Variants in ZIM2 observed in about 807,000 individuals in gnomAD.
ZIM2 encodes zinc finger imprinted 2, also known as zinc finger protein 656.
Under a neutral mutation model 38.6 loss-of-function variants are expected in ZIM2, and 14 were observed. The observed-to-expected ratio is 0.36, with a 90% CI of 0.24 to 0.57. The LOEUF is 0.57. Ranked by LOEUF, ZIM2 falls within the 20% of genes least tolerant of loss-of-function variation. The pLI is 0.81. For synonymous variants in ZIM2, 247 were observed against 245.8 expected, an observed-to-expected ratio of 1.00 and a Z score of -0.04; for missense variants, 680 against 695.1, an observed-to-expected ratio of 0.98 and a Z score of 0.24.
At chr19:56,813,951 C>A in intron 9 of ZIM2, 1 of 1,614,158 alleles carries the variant, frequency 6.2e-7, no homozygotes, top group Middle Eastern at 1.6e-4. Context: ...CTACCTGAAT[C>A]TCTTGATCTT....
At position 56,816,370 on chromosome 19, in the gene ZIM2, C is replaced by T. The variant is rs56332142; in HGVS notation, c.490+1376G>A. The T allele has an allele frequency of 1.1e-4, 181 of 1,614,034 alleles. No individual in the cohort carries two copies. The highest frequency in any genetic ancestry group is 1.6e-4 in the East Asian group (7 of 44,862). ...CTCTGAGCTTTGCATGAAGGCATCC[C>T]GGCCATCTGTAAAGTCACAGAGCTT... On this transcript the variant is annotated intron_variant, in intron 9 of 12. Coordinates refer to ENST00000629319, the MANE Select transcript of ZIM2 (RefSeq NM_001387356.1).
At chr19:56,799,206 C>T (rs1169271737) in intron 9 of ZIM2, 1 of 152,142 alleles carries the variant, frequency 6.6e-6, no homozygotes, top group African/African-American at 2.4e-5. Context: ...CCTAAATGCT[C>T]ATCAATGACA....
intron 9 of ZIM2, among the ~76,000 whole-genome samples, chr19:56,791,549 A>C (rs544588085): frequency 6.6e-6 from 1 of 152,238 alleles, no homozygotes; most frequent in East Asian, 1.9e-4. Flanking sequence ...TTATATTTTT[A>C]AGTATAATTA....
chr19:56,797,709 C>A (rs144372569), intron 9 of ZIM2, among the ~76,000 whole-genome samples: 47 of 152,196 alleles, frequency 3.1e-4, no homozygotes, highest in African/African-American at 1.1e-3. Flanking sequence ...GCTGCTCTAC[C>A]AAAAGGAGGA....
At chr19:56,831,307 G>A (rs1002443368) in intron 2 of ZIM2, among the ~76,000 whole-genome samples, 2 of 152,168 alleles carry the variant, frequency 1.3e-5, no homozygotes, top group Non-Finnish European at 2.9e-5. Context: ...TATAATAAAG[G>A]ACTGGAAATG....
intron 9 of ZIM2, chr19:56,810,113 C>T (rs1237838054): frequency 1.5e-5 from 14 of 947,240 alleles, no homozygotes; most frequent in Non-Finnish European, 1.6e-5. Flanking sequence ...ATTGTTGACA[C>T]TATTACAGAT....
At chr19:56,793,400 A>T (rs1004777875) in intron 9 of ZIM2, among the ~76,000 whole-genome samples, 2 of 152,192 alleles carry the variant, frequency 1.3e-5, no homozygotes, top group African/African-American at 4.8e-5. Flanking sequence ...AGCTACTCTT[A>T]AAGGCAGGCT....
chr19:56,817,149 C>A, intron 9 of ZIM2: 1 of 1,614,172 alleles, frequency 6.2e-7, no homozygotes, highest in Non-Finnish European at 8.5e-7. Context: ...TGAGGCTGCT[C>A]AGGCTGCTCA....
chr19:56,840,090 A>C (rs1192346504), intron 1 of ZIM2, among the ~76,000 whole-genome samples: 1 of 152,198 alleles, frequency 6.6e-6, no homozygotes, highest in Non-Finnish European at 1.5e-5. Context: ...CCCCGCAGGA[A>C]GGGGCATTTT....
At chr19:56,822,252 G>A (rs1274613081) in intron 6 of ZIM2, among the ~76,000 whole-genome samples, 1 of 152,194 alleles carries the variant, frequency 6.6e-6, no homozygotes, top group Non-Finnish European at 1.5e-5. Context: ...AGTCCAGGAA[G>A]AAGAGGAAAT....
rs1459370018 is a variant in ZIM2 at position 56,782,102 on chromosome 19, A to T, written c.590T>A (p.Leu197Ter). Residue 197 changes from leucine to a stop codon, truncating the protein, a stop_gained, in exon 11 of 13, where the codon TTA becomes TAA. Transcript: ENST00000629319. LOFTEE classifies it high-confidence loss of function. ...AGSQFPDFKH[L>*]GTFLVFEELV... ...CTCCTCAAACACCAGAAATGTTCCT[A>T]AGTGTTTGAAGTCCGGGAACTATCC... The T allele has an allele frequency of 1.2e-6, 2 of 1,613,636 alleles. No individual in the cohort carries two copies. The highest frequency in any genetic ancestry group is 1.7e-6 in the Non-Finnish European group (2 of 1,179,756).
At chr19:56,820,954 C>T (rs752887163) in intron 7 of ZIM2, among the ~76,000 whole-genome samples, 1 of 152,204 alleles carries the variant, frequency 6.6e-6, no homozygotes, top group African/African-American at 2.4e-5. Context: ...CTCCACACTC[C>T]ACCATGTATA....
intron 9 of ZIM2, chr19:56,816,867 C>A (rs201189992): frequency 1.9e-6 from 3 of 1,614,150 alleles, no homozygotes; most frequent in Non-Finnish European, 2.5e-6. Context: ...TAGCATGAAT[C>A]TTCCGATGTT....
At chr19:56,795,424 C>G (rs940754167) in intron 9 of ZIM2, among the ~76,000 whole-genome samples, 2 of 152,232 alleles carry the variant, frequency 1.3e-5, no homozygotes, top group African/African-American at 2.4e-5. Flanking sequence ...CTGGGCTACC[C>G]GCTCGCCGGC....
chr19:56,813,692 T>C (rs2059699400), intron 9 of ZIM2: 2 of 1,613,182 alleles, frequency 1.2e-6, no homozygotes, highest in Non-Finnish European at 1.7e-6. Flanking sequence ...GTGTGGGTAT[T>C]CTGGTGTCTG....
chr19:56,818,572 G>A (rs367959250), intron 8 of ZIM2, 28 bp downstream of exon 8: 5 of 1,612,218 alleles, frequency 3.1e-6, no homozygotes, highest in Non-Finnish European at 3.4e-6. Context: ...GACTGGACTG[G>A]GAGTGACTGA....
chr19:56,836,564 T>C (rs1056945619), intron 1 of ZIM2, among the ~76,000 whole-genome samples: 52 of 152,220 alleles, frequency 3.4e-4, no homozygotes, highest in African/African-American at 1.2e-3. Context: ...CCTCAGAGTA[T>C]GTGTTCAATC....
intron 9 of ZIM2, chr19:56,810,565 T>C (rs2048063766): frequency 3.2e-6 from 3 of 935,012 alleles, no homozygotes; most frequent in Non-Finnish European, 2.6e-6. Flanking sequence ...TTTGTATGAG[T>C]ATGTATTATA....
At chr19:56,816,754 T>C (rs1260748392) in intron 9 of ZIM2, 11 of 1,614,032 alleles carry the variant, frequency 6.8e-6, no homozygotes, top group East Asian at 2.2e-5. Context: ...CCTGCACTCG[T>C]AGAATTTGTC....
Sources: allele counts gnomAD v4.1 joint callset (sites outside exome capture counted in the v4.1 genomes callset), GRCh38; gene constraint gnomAD v4.1.1; transcripts MANE v1.5; gene names NCBI Gene and HGNC (gene_info 2026-07-23, HGNC 2026-07-21).